SLC13A5: variants seen among roughly 807,000 people sequenced by gnomAD.
The protein encoded by SLC13A5 is solute carrier family 13 member 5.
A neutral mutation model predicts 56.5 loss-of-function variants in SLC13A5; 25 were observed. The observed-to-expected ratio is 0.44, with a 90% CI of 0.32 to 0.62. The LOEUF is 0.62. SLC13A5 is among the 20% of genes least tolerant of loss of function. SLC13A5 has a pLI of 0.04. For synonymous variants in SLC13A5, 307 were observed against 301.5 expected (o/e 1.02, Z -0.19); for missense variants, 649 against 737.8 (o/e 0.88, Z 1.39).
chr17:6,712,901 G>A (rs1034270796), intron 1 of SLC13A5, among the ~76,000 whole-genome samples: 2 of 152,246 alleles, frequency 1.3e-5, no homozygotes, highest in African/African-American at 2.4e-5. Flanking sequence ...CACTGTGGGA[G>A]ATTCGATTCG....
At chr17:6,702,220 A>G (rs961576045) in intron 5 of SLC13A5, among the ~76,000 whole-genome samples, 4 of 152,102 alleles carry the variant, frequency 2.6e-5, no homozygotes, top group Non-Finnish European at 5.9e-5. Context: ...GTGCCTGCCC[A>G]CTGCAATTAG....
At chr17:6,688,783 T>C (rs1161454473) in intron 10 of SLC13A5, 2 of 152,132 alleles carry the variant, frequency 1.3e-5, no homozygotes, top group Non-Finnish European at 2.9e-5. Flanking sequence ...AAAAAGTGTG[T>C]GAGTGTGTAA....
At position 6,692,753 on chromosome 17, in the gene SLC13A5, T is replaced by C. The variant is rs1412201048; in HGVS notation, c.1275+291A>G. The C allele has an allele frequency of 2.4e-6, 1 of 424,358 alleles. No homozygotes were observed. Among genetic ancestry groups the C allele is most frequent in the East Asian group, 4.9e-5 (1 of 20,264 alleles). The allele number at this position is 424,358 out of a possible 1,614,324, so 26.3% of individuals were successfully genotyped here. A position where few individuals can be genotyped will look rare whatever the true frequency, so the allele number is the denominator to read the frequency against. ...TCAGACAAATCAAAGCAGAGATTAT[T>C]GTGATCAAGCCCCAGAGGGTAACTG... On this transcript the variant is annotated intron_variant, in intron 9 of 11. Transcript: ENST00000433363. The surrounding 1 kb of genome is among the most constrained non-coding windows in gnomAD (Gnocchi z 5.5).
chr17:6,701,270 C>T lies in SLC13A5; in HGVS notation c.717-144G>A. On this transcript the variant is annotated intron_variant, in intron 5 of 11. Transcript: ENST00000433363. This position sits in a 1 kb window ranked among gnomAD's most constrained non-coding sequence, Gnocchi z 4.1. Reference sequence around the variant, plus strand: ...CCTCCTGAGGTCTAGCCACCAAGTCCATTGCCAAGCATTGTCCCCTAATCG... The same window carrying T: ...CCTCCTGAGGTCTAGCCACCAAGTCTATTGCCAAGCATTGTCCCCTAATCG... 1.8e-6 allele frequency: 2 copies of T among 1,090,572 alleles called. No homozygotes were observed. The highest frequency in any genetic ancestry group is 2.6e-6 in the Non-Finnish European group (2 of 768,998). 67.6% of individuals were successfully genotyped at this position (1,090,572 alleles called of 1,614,324 possible).
At chr17:6,694,289 A>G (rs1973501010) in intron 7 of SLC13A5, 92 bp from the exon 8 acceptor site, 2 of 737,776 alleles carry the variant, frequency 2.7e-6, no homozygotes, top group Non-Finnish European at 4.6e-6. Context: ...AAATGCTTCT[A>G]TGCAAAGAAA....
At chr17:6,699,073 AAATAAATAAAT>A (rs894773877) in intron 6 of SLC13A5, among the ~76,000 whole-genome samples, 9 of 123,924 alleles carry the variant, frequency 7.3e-5, no homozygotes, top group African/African-American at 2.7e-4. Context: ...ATAAATAAAT[AAATAAATAAAT>A]AAATAAAATA....
rs1447888403 is a variant in SLC13A5 at position 6,695,766 on chromosome 17, G to T, written c.1015C>A (p.Pro339Thr). The T allele has an allele frequency of 2.5e-6, 4 of 1,614,176 alleles. No homozygotes were observed. Among genetic ancestry groups the T allele is most frequent in the African/African-American group, 1.3e-5 (1 of 75,044 alleles). ...LWFSRDPGFM[P>T]GWLTVAWVEG... ...ACCCAGGCAACAGTCAGCCAGCCGG[G>T]CATGAAGCCGGGGTCTCGGGAGAAC... Residue 339 changes from proline (P) to threonine (T), a missense_variant, in exon 7 of 12, where the codon CCC becomes ACC. Physicochemically the swap from Pro to Thr is conservative, Grantham distance 38. Coordinates refer to ENST00000433363, the MANE Select transcript of SLC13A5 (RefSeq NM_177550.5).
Position 6,686,394 on chromosome 17 carries a change from A to T in SLC13A5, c.1576-56T>A, listed in dbSNP as rs1973253908. 3 of 1,609,646 alleles carry T rather than the reference A, an allele frequency of 1.9e-6. No individual in the cohort carries two copies. In the Admixed American group the frequency reaches 5.0e-5, roughly 27 times the overall value. ...GCCTGCTGGGGACTAGTGCTCTCAG[A>T]GAGGAGGACAAAGGGTCGGCTCACT... On this transcript the variant is annotated intron_variant, in intron 11 of 11. Transcript: ENST00000433363.
chr17:6,712,526 G>T (rs961358296), intron 1 of SLC13A5, among the ~76,000 whole-genome samples: 1 of 152,228 alleles, frequency 6.6e-6, no homozygotes, highest in African/African-American at 2.4e-5. Flanking sequence ...CACCCAAGGC[G>T]CGAGCTCTGG....
intron 4 of SLC13A5, among the ~76,000 whole-genome samples, chr17:6,703,447 C>T (rs1973773218): frequency 6.6e-6 from 1 of 152,196 alleles, no homozygotes; most frequent in Non-Finnish European, 1.5e-5. Flanking sequence ...CTGAGCTTCG[C>T]ACCTAGCAGG....
Position 6,703,991 on chromosome 17 carries a change from G to A in SLC13A5, c.434C>T (p.Thr145Met), listed in dbSNP as rs1202091819. The change falls in exon 4 of 12, where the codon ACG becomes ATG. Residue 145 changes from threonine to methionine, a missense_variant. Transcript: ENST00000433363. ...CTCCACGATGGGCACCATCATGGCC[G>A]TGGTTGCCGTGTTACTGATCCACAT... is the stretch of plus-strand genomic sequence containing the variant. ...LSMWISNTATTAMMVPIVEAI... is the reference protein window; with the variant it reads ...LSMWISNTATMAMMVPIVEAI... 12 of 1,613,008 alleles carry A rather than the reference G, an allele frequency of 7.4e-6. No homozygotes were observed. The highest frequency in any genetic ancestry group is 1.7e-5 in the Admixed American group (1 of 59,986).
chr17:6,699,521 A>G (rs2151490729), intron 6 of SLC13A5, among the ~76,000 whole-genome samples: 1 of 152,124 alleles, frequency 6.6e-6, no homozygotes, highest in South Asian at 2.1e-4. Flanking sequence ...CCCAGGCTGG[A>G]GTGCAGTGGC....
chr17:6,705,696 C>T (rs1012358825), intron 3 of SLC13A5: 3 of 152,208 alleles, frequency 2.0e-5, no homozygotes, highest in Non-Finnish European at 4.4e-5. Context: ...TGTGTGTGCT[C>T]AGGGTCTAGC....
At position 6,703,104 on chromosome 17, in the gene SLC13A5, C is replaced by T. The variant is rs147260918; in HGVS notation, c.582G>A (p.Gly194=). Residue 194 remains glycine, a synonymous_variant, in exon 5 of 12, where the codon GGG becomes GGA. Coordinates refer to ENST00000433363, the MANE Select transcript of SLC13A5 (RefSeq NM_177550.5). The part of the protein sequence containing the change: ...SQVIFEGPTL[G]QQEDQERKRL... The stretch of plus-strand genomic sequence containing the variant: ...TCTTCCGCTCTTGGTCTTCCTGCTG[C>T]CCCAGAGTGGGGCCTTCAAAAATCA... 137 of 1,614,122 alleles carry T rather than the reference C, an allele frequency of 8.5e-5. No homozygotes were observed. In the African/African-American group the frequency reaches 1.6e-3, roughly 19 times the overall value.
At chr17:6,712,449 T>C (rs1340812024) in intron 1 of SLC13A5, among the ~76,000 whole-genome samples, 1 of 152,174 alleles carries the variant, frequency 6.6e-6, no homozygotes, top group Admixed American at 6.5e-5. Flanking sequence ...TCATTCTCTC[T>C]CTCCCTCACA....
chr17:6,699,919 T>C (rs1385617890), intron 6 of SLC13A5, among the ~76,000 whole-genome samples: 1 of 152,244 alleles, frequency 6.6e-6, no homozygotes, highest in African/African-American at 2.4e-5. Context: ...ATAGCAACTT[T>C]TTAATGGGAG....
At chr17:6,712,848 C>T (rs1009972040) in intron 1 of SLC13A5, among the ~76,000 whole-genome samples, 2 of 152,206 alleles carry the variant, frequency 1.3e-5, no homozygotes, top group Non-Finnish European at 2.9e-5. Flanking sequence ...CTCCCAGGTT[C>T]CCTGTTGGCG....
rs766330201 is a variant in SLC13A5, at chr17:6,687,628, CA to C, written c.1475del (p.Leu492ArgfsTer5). ...CAAAGGAGGCACTCAGGGTACAGGGCAGCATGATGTACAGCGGATTGAGGCC... is the reference window on the plus strand; with the variant it reads ...CAAAGGAGGCACTCAGGGTACAGGGCGCATGATGTACAGCGGATTGAGGCC... ...SIGLNPLYIMLPCTLSASFAF... is the reference protein window; with the variant it reads ...SIGLNPLYIMXPCTLSASFAF... On this transcript the variant is annotated frameshift_variant, in exon 11 of 12. Transcript: ENST00000433363. LOFTEE classifies it high-confidence loss of function. The surrounding 1 kb of genome is among the most constrained non-coding windows in gnomAD (Gnocchi z 5.0). 1 of 1,612,622 alleles carries C rather than the reference CA, an allele frequency of 6.2e-7. No individual in the cohort carries two copies. Among genetic ancestry groups the C allele is most frequent in the South Asian group, 1.1e-5 (1 of 90,624 alleles).
At chr17:6,707,200 C>A in intron 1 of SLC13A5, 44 bp from the exon 2 acceptor site, 1 of 1,608,572 alleles carries the variant, frequency 6.2e-7, no homozygotes, top group South Asian at 1.1e-5. Flanking sequence ...CCGCCTCCCT[C>A]TCCCCACCCC....
Sources: gnomAD v4.1 joint callset for allele counts (sites outside exome capture counted in the v4.1 genomes callset) on GRCh38, gnomAD v4.1.1 for gene constraint, Gnocchi (gnomAD v3.1) non-coding constraint, MANE v1.5 for transcripts, NCBI Gene and HGNC (gene_info 2026-07-23, HGNC 2026-07-21) for gene names.